The following PCDHA5 variants were observed in gnomAD, a reference collection of about 807,000 sequenced individuals.
The protein encoded by PCDHA5 is protocadherin alpha 5, also known as protocadherin alpha-5.
A neutral mutation model predicts 61.6 loss-of-function variants in PCDHA5; 43 were observed. The ratio of observed to expected loss-of-function variants is 0.70; its 90% CI spans 0.55 to 0.90. The LOEUF (loss-of-function observed/expected upper bound fraction) is 0.90, where lower values mean the gene tolerates loss of function less well. PCDHA5 is among the 40% of genes least tolerant of loss of function. PCDHA5 has a pLI of 0.00. For missense variants in PCDHA5, 1,298 were observed against 1,222.7 expected, an observed-to-expected ratio of 1.06 and a Z score of -0.92; for synonymous variants, 627 against 543.9, an observed-to-expected ratio of 1.15 and a Z score of -2.13.
In PCDHA5 at chr5:140,850,468, C is replaced by G. The variant is rs2150485398; in HGVS notation, c.2352+26341C>G. 1.3e-5 allele frequency: 20 copies of G among 1,597,798 alleles called. 4 individuals carry two copies. The highest frequency in any genetic ancestry group is 1.6e-5 in the Non-Finnish European group (19 of 1,167,656). On this transcript the variant is annotated intron_variant, in intron 1 of 3. Transcript: ENST00000529859. Reference sequence around the variant, plus strand: ...CTGGTGAAAGACCACGGGGAGCCAGCGCTGACGGCCACGGCCACTGTGCTG... The same window carrying G: ...CTGGTGAAAGACCACGGGGAGCCAGGGCTGACGGCCACGGCCACTGTGCTG...
intron 1 of PCDHA5, chr5:140,842,983 C>G (rs2150349153): frequency 6.3e-7 from 1 of 1,594,998 alleles, no homozygotes; most frequent in Non-Finnish European, 8.6e-7. Flanking sequence ...TGCAGGTGTT[C>G]GTGCTGGACG....
rs144515035 is a variant in PCDHA5, at chr5:140,822,741, G to A, written c.966G>A (p.Met322Ile). Residue 322 changes from methionine to isoleucine, a missense_variant, in exon 1 of 4, where the codon ATG becomes ATA. Met to Ile is a conservative substitution (Grantham distance 10). Coordinates refer to ENST00000529859, the MANE Select transcript of PCDHA5 (RefSeq NM_018908.3). ...YNSYEINIDA[M>I]DKSTFPLSGH... Reference sequence around the variant, plus strand: ...CATATGAAATTAATATTGATGCCATGGATAAAAGTACATTCCCATTATCAG... The same window carrying A: ...CATATGAAATTAATATTGATGCCATAGATAAAAGTACATTCCCATTATCAG... 8 of 1,613,400 alleles carry A rather than the reference G, an allele frequency of 5.0e-6. No homozygotes were observed. Among genetic ancestry groups the A allele is most frequent in the East Asian group, 2.2e-5 (1 of 44,902 alleles).
At chr5:140,850,274 G>A in intron 1 of PCDHA5, 1 of 1,595,442 alleles carries the variant, frequency 6.3e-7, no homozygotes, top group Non-Finnish European at 8.6e-7. Context: ...TGGTGGGGAA[G>A]GTGCGCGCAG....
chr5:140,920,116 C>A (rs376109883), intron 1 of PCDHA5, among the ~76,000 whole-genome samples: 72 of 152,304 alleles, frequency 4.7e-4, no homozygotes, highest in African/African-American at 1.6e-3. Context: ...ACCTTGCCAA[C>A]ATCTTGAGTT....
At position 140,823,531 on chromosome 5, in the gene PCDHA5, G is replaced by A. The variant is rs2150126678; in HGVS notation, c.1756G>A (p.Ala586Thr). ...CGAGCTGGTGCCGAGGTCAGTGGGT[G>A]CGGGCCACGTGGTGGCGAAGGTGCG... ...VSELVPRSVG[A>T]GHVVAKVRAV... Residue 586 changes from alanine (A) to threonine (T), a missense_variant, in exon 1 of 4, where the codon GCG (alanine) becomes ACG (threonine). By Grantham distance (58) the Ala-to-Thr change is moderately conservative. Coordinates refer to ENST00000529859, the MANE Select transcript of PCDHA5 (RefSeq NM_018908.3). The A allele has an allele frequency of 1.2e-6, 2 of 1,613,780 alleles. No homozygotes were observed. Among genetic ancestry groups the A allele is most frequent in the South Asian group, 2.2e-5 (2 of 91,064 alleles).
intron 1 of PCDHA5, chr5:140,825,972 A>G (rs1430190441): frequency 6.6e-6 from 1 of 152,342 alleles, no homozygotes; most frequent in Non-Finnish European, 1.5e-5. Context: ...TTTGAGGGGA[A>G]AAGTATGGAT....
chr5:141,000,383 CTCTCTCTCTCTCTA>C (rs1438422699), intron 3 of PCDHA5, among the ~76,000 whole-genome samples: 4 of 63,178 alleles, frequency 6.3e-5, no homozygotes, highest in African/African-American at 2.9e-4. Context: ...CTCTCTCTCT[CTCTCTCTCTCTCTA>C]TATATATATA....
intron 1 of PCDHA5, chr5:140,864,013 A>T: frequency 6.5e-6 from 1 of 153,164 alleles, no homozygotes; most frequent in South Asian, 2.1e-4. Flanking sequence ...AAAAAAAAGT[A>T]CATTGGAAGT....
chr5:140,946,611 A>AATATATATAT (rs1554217734), intron 1 of PCDHA5, among the ~76,000 whole-genome samples: 3,697 of 86,664 alleles, frequency 0.043, 168 homozygotes, highest in Non-Finnish European at 0.054. Flanking sequence ...GAAAATGTGA[A>AATATATATAT]ATATATATAT....
chr5:140,877,178 C>T (rs370071106), intron 1 of PCDHA5: 2 of 1,613,794 alleles, frequency 1.2e-6, no homozygotes, highest in South Asian at 2.2e-5. Context: ...CTGGCGACTC[C>T]GGCTGGCAGC....
rs2150153849 is a variant in PCDHA5 at position 140,828,310 on chromosome 5, C to T, written c.2352+4183C>T. Reference sequence around the variant, plus strand: ...GGATGGCCTCCAAAGACCGCGAGGACCTTCTGGAGGTAAATCTGCAGAATG... The same window carrying T: ...GGATGGCCTCCAAAGACCGCGAGGATCTTCTGGAGGTAAATCTGCAGAATG... On this transcript the variant is annotated intron_variant, in intron 1 of 3. Coordinates refer to ENST00000529859, the MANE Select transcript of PCDHA5 (RefSeq NM_018908.3). 5.1e-5 allele frequency: 82 copies of T among 1,614,174 alleles called. 1 individual carries two copies. The South Asian group carries it at 8.1e-4, about 16-fold the overall frequency.
At chr5:140,970,006 A>G (rs2096376265) in intron 1 of PCDHA5, among the ~76,000 whole-genome samples, 1 of 152,158 alleles carries the variant, frequency 6.6e-6, no homozygotes, top group Non-Finnish European at 1.5e-5. Context: ...GAGGGAGTGG[A>G]TGATGGTGAG....
intron 1 of PCDHA5, chr5:140,870,855 G>A: frequency 6.2e-7 from 1 of 1,613,910 alleles, no homozygotes; most frequent in Non-Finnish European, 8.5e-7. Flanking sequence ...CGCGGTCGGT[G>A]GGTGCGGGCC....
intron 1 of PCDHA5, among the ~76,000 whole-genome samples, chr5:140,887,315 C>G (rs1239122037): frequency 1.3e-5 from 2 of 152,116 alleles, no homozygotes; most frequent in Non-Finnish European, 2.9e-5. Flanking sequence ...CCAGGATAGT[C>G]TCGAACTCCT....
At chr5:140,830,527 A>C in intron 1 of PCDHA5, 1 of 1,307,954 alleles carries the variant, frequency 7.6e-7, no homozygotes, top group Non-Finnish European at 1.0e-6. Context: ...TTTATTTTAA[A>C]TTTATAATTG....
intron 1 of PCDHA5, among the ~76,000 whole-genome samples, chr5:140,897,709 T>C (rs1471075981): frequency 6.6e-6 from 1 of 152,212 alleles, no homozygotes; most frequent in Non-Finnish European, 1.5e-5. Context: ...TACCCAGTAA[T>C]GGGATGGCTG....
At chr5:140,872,270 T>G (rs1246364406) in intron 1 of PCDHA5, among the ~76,000 whole-genome samples, 1 of 152,172 alleles carries the variant, frequency 6.6e-6, no homozygotes, top group African/African-American at 2.4e-5. Context: ...TCATATTGTT[T>G]GAAGAAAAAA....
In PCDHA5 at chr5:140,869,193, G is replaced by C. The variant is rs1215630740; in HGVS notation, c.2352+45066G>C. The C allele has an allele frequency of 1.9e-6, 3 of 1,614,040 alleles. No individual in the cohort carries two copies. In the African/African-American group the frequency reaches 4.0e-5, roughly 22 times the overall value. On this transcript the variant is annotated intron_variant, in intron 1 of 3. Transcript: ENST00000529859. Reference sequence around the variant, plus strand: ...AATTCTGGGAGGTGGGGAGCGGCCAGCTCCACTACTCCGTCTCGGAGGAGG... The same window carrying C: ...AATTCTGGGAGGTGGGGAGCGGCCACCTCCACTACTCCGTCTCGGAGGAGG...
chr5:140,968,694 G>A, intron 1 of PCDHA5: 1 of 1,614,092 alleles, frequency 6.2e-7, no homozygotes, highest in Non-Finnish European at 8.5e-7. Flanking sequence ...GGAGAAATTA[G>A]GACTACCAGG....
Sources: allele counts gnomAD v4.1 joint callset (sites outside exome capture counted in the v4.1 genomes callset), GRCh38; gene constraint gnomAD v4.1.1; transcripts MANE v1.5; gene names NCBI Gene and HGNC (gene_info 2026-07-23, HGNC 2026-07-21).